Variants in CNTNAP2 observed in about 807,000 individuals in gnomAD.
CNTNAP2 encodes the protein contactin-associated protein-like 2.
Under a neutral mutation model 155.2 loss-of-function variants are expected in CNTNAP2, and 98 were observed. The observed-to-expected ratio is 0.63, with a 90% CI of 0.54 to 0.75. The LOEUF (loss-of-function observed/expected upper bound fraction) is 0.75, where lower values mean the gene tolerates loss of function less well. Ranked by LOEUF, CNTNAP2 falls within the 30% of genes least tolerant of loss-of-function variation. CNTNAP2 has a pLI of 0.00. For missense variants in CNTNAP2, 1,727 were observed against 1,688.1 expected (o/e 1.02, Z -0.40); for synonymous variants, 651 against 631.2 (o/e 1.03, Z -0.47).
chr7:148,184,952 A>G (rs1196432665), intron 18 of CNTNAP2, among the ~76,000 whole-genome samples: 1 of 152,226 alleles, frequency 6.6e-6, no homozygotes, highest in Non-Finnish European at 1.5e-5. Context: ...AAGTTTATTA[A>G]TCATTGAGTC....
At chr7:147,892,148 T>A (rs966014394) in intron 13 of CNTNAP2, among the ~76,000 whole-genome samples, 1 of 152,140 alleles carries the variant, frequency 6.6e-6, no homozygotes, top group Non-Finnish European at 1.5e-5. Context: ...AACATAAAGA[T>A]GAACTATTCT....
intron 1 of CNTNAP2, among the ~76,000 whole-genome samples, chr7:146,129,769 A>G (rs1797688336): frequency 6.6e-6 from 1 of 152,152 alleles, no homozygotes; most frequent in Admixed American, 6.6e-5. Flanking sequence ...TGCACTGTCC[A>G]TTTTATAATA....
Position 147,996,601 on chromosome 7 carries a change from A to C in CNTNAP2, c.2383+18612A>C, listed in dbSNP as rs547053587. Among the ~76,000 whole-genome samples, 3 of 152,372 alleles carry C rather than the reference A, an allele frequency of 2.0e-5. No homozygotes were observed. In the East Asian group the frequency reaches 5.8e-4, roughly 29 times the overall value. ...GGTTGCTATGGGAATAAAATGAGAC[A>C]AATGTCTGTAAAGAACTTAGAACAG... is the stretch of plus-strand genomic sequence containing the variant. On this transcript the variant is annotated intron_variant, in intron 15 of 23. Transcript: ENST00000361727.
At chr7:146,144,506 A>G (rs543945679) in intron 1 of CNTNAP2, among the ~76,000 whole-genome samples, 1 of 152,238 alleles carries the variant, frequency 6.6e-6, no homozygotes, top group South Asian at 2.1e-4. Context: ...ACAACAAAAA[A>G]TTTCATTCCT....
chr7:147,261,162 A>C (rs1804456157), intron 8 of CNTNAP2, among the ~76,000 whole-genome samples: 1 of 152,176 alleles, frequency 6.6e-6, no homozygotes, highest in Non-Finnish European at 1.5e-5. Flanking sequence ...ATGCCCTTCT[A>C]ATTTATCAGC....
intron 1 of CNTNAP2, among the ~76,000 whole-genome samples, chr7:146,143,446 C>T (rs532177199): frequency 6.6e-4 from 100 of 152,100 alleles, no homozygotes; most frequent in African/African-American, 2.2e-3. Flanking sequence ...ATTTAAATTA[C>T]GCTGTCTCAT....
At chr7:146,216,725 T>C (rs770611515) in intron 1 of CNTNAP2, among the ~76,000 whole-genome samples, 13 of 152,240 alleles carry the variant, frequency 8.5e-5, no homozygotes, top group Non-Finnish European at 1.6e-4. Context: ...CCTCGCACTC[T>C]GGAGAAAACA....
At chr7:146,925,185 A>C (rs1338191541) in intron 3 of CNTNAP2, among the ~76,000 whole-genome samples, 1 of 152,136 alleles carries the variant, frequency 6.6e-6, no homozygotes, top group Non-Finnish European at 1.5e-5. Context: ...TAATGAGTAC[A>C]TCTACTGTTG....
chr7:147,380,730 A>T (rs189123551), intron 9 of CNTNAP2, among the ~76,000 whole-genome samples: 1 of 152,284 alleles, frequency 6.6e-6, no homozygotes, highest in East Asian at 1.9e-4. Flanking sequence ...CAGAATACCA[A>T]AATATATAGT....
At chr7:147,998,103 C>CTTT (rs71188938) in intron 15 of CNTNAP2, among the ~76,000 whole-genome samples, 15 of 75,806 alleles carry the variant, frequency 2.0e-4, no homozygotes, top group Non-Finnish European at 3.0e-4. Flanking sequence ...TTTCTTTTTT[C>CTTT]TTTTTTTTTT....
intron 15 of CNTNAP2, among the ~76,000 whole-genome samples, chr7:148,087,265 A>G (rs1180561511): frequency 3.9e-5 from 6 of 152,148 alleles, no homozygotes; most frequent in Non-Finnish European, 8.8e-5. Context: ...TTTAAGGGAA[A>G]CTTGACTTCC....
intron 15 of CNTNAP2, among the ~76,000 whole-genome samples, chr7:148,046,413 A>G (rs1221315175): frequency 1.3e-5 from 2 of 152,196 alleles, no homozygotes; most frequent in Non-Finnish European, 2.9e-5. Context: ...TAGACAATTT[A>G]TAGGTTATAA....
intron 21 of CNTNAP2, among the ~76,000 whole-genome samples, chr7:148,330,876 G>A (rs1297581358): frequency 6.7e-6 from 1 of 148,958 alleles, no homozygotes; most frequent in Non-Finnish European, 1.5e-5. Context: ...GGATGGAGTG[G>A]CTGGATGGAA....
At chr7:146,202,282 C>T (rs1365191485) in intron 1 of CNTNAP2, among the ~76,000 whole-genome samples, 1 of 152,126 alleles carries the variant, frequency 6.6e-6, no homozygotes, top group Admixed American at 6.6e-5. Context: ...TCATAACCTA[C>T]ATTATCTGAT....
chr7:147,841,538 C>T (rs188769423), intron 13 of CNTNAP2, among the ~76,000 whole-genome samples: 202 of 152,172 alleles, frequency 1.3e-3, no homozygotes, highest in African/African-American at 4.5e-3. Context: ...TTTTCATAGA[C>T]TCTGTTTTGC....
intron 9 of CNTNAP2, among the ~76,000 whole-genome samples, chr7:147,382,378 A>G (rs1167692734): frequency 6.6e-6 from 1 of 152,204 alleles, no homozygotes; most frequent in Non-Finnish European, 1.5e-5. Context: ...TTCAACAGGT[A>G]GAATTAATAT....
intron 9 of CNTNAP2, among the ~76,000 whole-genome samples, chr7:147,328,623 A>C (rs1304569594): frequency 6.6e-6 from 1 of 152,250 alleles, no homozygotes; most frequent in Non-Finnish European, 1.5e-5. Context: ...TTAATGAAGC[A>C]AACGGGTTGC....
chr7:147,458,231 A>T (rs2116581980), intron 10 of CNTNAP2, among the ~76,000 whole-genome samples: 1 of 152,208 alleles, frequency 6.6e-6, no homozygotes, highest in Non-Finnish European at 1.5e-5. Flanking sequence ...TTATTTATCT[A>T]CCTGTTTAGT....
intron 4 of CNTNAP2, among the ~76,000 whole-genome samples, chr7:147,063,824 T>C (rs1459246682): frequency 1.3e-5 from 2 of 152,024 alleles, no homozygotes; most frequent in Non-Finnish European, 2.9e-5. Flanking sequence ...AATATCACAT[T>C]AAAAAAGCAG....
Sources: allele counts gnomAD v4.1 joint callset (sites outside exome capture counted in the v4.1 genomes callset), GRCh38; gene constraint gnomAD v4.1.1; transcripts MANE v1.5; gene names NCBI Gene and HGNC (gene_info 2026-07-23, HGNC 2026-07-21).